Variants in STK39 observed in about 807,000 individuals in gnomAD.
The protein encoded by STK39 is serine/threonine kinase 39, also known as STE20/SPS1-related proline-alanine-rich protein kinase.
In STK39, 20 loss-of-function variants were observed where a neutral mutation model predicts 77.8. The ratio of observed to expected loss-of-function variants is 0.26; its 90% CI spans 0.18 to 0.37. The LOEUF is 0.37. Among genes scored for constraint, STK39 ranks in the 10% least tolerant of loss-of-function variants. The pLI, the probability that STK39 is intolerant of heterozygous loss-of-function variation, is 1.00. For missense variants in STK39, 479 were observed against 656.5 expected (o/e 0.73, Z 2.95); for synonymous variants, 246 against 234.1 (o/e 1.05, Z -0.47).
chr2:168,237,594 CTCT>C (rs1690653375), intron 1 of STK39, among the ~76,000 whole-genome samples: 2 of 152,042 alleles, frequency 1.3e-5, no homozygotes, highest in East Asian at 1.9e-4. Flanking sequence ...TCATAGATAG[CTCT>C]TATTATTTTG....
At chr2:168,067,203 CA>C (rs766088423) in intron 12 of STK39, among the ~76,000 whole-genome samples, 8 of 152,076 alleles carry the variant, frequency 5.3e-5, no homozygotes, top group Non-Finnish European at 8.8e-5. Flanking sequence ...GCCTGAGTGA[CA>C]AAGTGAGACT....
chr2:168,108,689 G>C (rs1687044829), intron 10 of STK39, among the ~76,000 whole-genome samples: 1 of 152,124 alleles, frequency 6.6e-6, no homozygotes, highest in South Asian at 2.1e-4. Context: ...TCATAGGTAA[G>C]AAATCTGTAC....
chr2:168,063,653 A>G, intron 13 of STK39, 83 bp from the exon 14 acceptor site: 1 of 1,305,128 alleles, frequency 7.7e-7, no homozygotes, highest in Non-Finnish European at 1.1e-6. Context: ...TGATTCATAT[A>G]GCCATTTCTT....
At chr2:168,120,147 T>G (rs1687367605) in intron 10 of STK39, among the ~76,000 whole-genome samples, 1 of 152,248 alleles carries the variant, frequency 6.6e-6, no homozygotes, top group East Asian at 1.9e-4. Flanking sequence ...TTTTTAAAAA[T>G]CATTCTTAAT....
Position 167,981,800 on chromosome 2 carries a change from C to A in STK39, c.1499-17074G>T, listed in dbSNP as rs568334631. Reference sequence around the variant, plus strand: ...TAAATCTGAAAGATCATCCCAATAACCTTCTCCTTCCTCTACCCCTCCCAC... The same window carrying A: ...TAAATCTGAAAGATCATCCCAATAAACTTCTCCTTCCTCTACCCCTCCCAC... On this transcript the variant is annotated intron_variant, in intron 16 of 17. Coordinates refer to ENST00000355999, the MANE Select transcript of STK39 (RefSeq NM_013233.3). Among the ~76,000 whole-genome samples the A allele has an allele frequency of 3.3e-5, 5 of 152,314 alleles. No individual in the cohort carries two copies. The South Asian group carries it at 1.0e-3, about 32-fold the overall frequency.
intron 16 of STK39, among the ~76,000 whole-genome samples, chr2:167,981,609 C>T (rs1034751103): frequency 7.2e-5 from 11 of 152,050 alleles, no homozygotes; most frequent in East Asian, 1.9e-4. Flanking sequence ...TCTCTTGTCC[C>T]GGTGTTGTGT....
At chr2:167,996,473 G>A (rs1208879654) in intron 16 of STK39, among the ~76,000 whole-genome samples, 1 of 152,192 alleles carries the variant, frequency 6.6e-6, no homozygotes, top group Non-Finnish European at 1.5e-5. Context: ...CAGCCATGGG[G>A]CTATGAAGGA....
At chr2:168,103,433 A>G (rs1686888320) in intron 10 of STK39, among the ~76,000 whole-genome samples, 1 of 152,196 alleles carries the variant, frequency 6.6e-6, no homozygotes, top group East Asian at 1.9e-4. Flanking sequence ...TAGACTGTGT[A>G]TTTTCCTAAG....
At chr2:168,245,027 C>A (rs1442881587) in intron 1 of STK39, among the ~76,000 whole-genome samples, 2 of 152,168 alleles carry the variant, frequency 1.3e-5, no homozygotes, top group African/African-American at 2.4e-5. Context: ...TGTATTTTAA[C>A]CCTAATAATT....
intron 1 of STK39, among the ~76,000 whole-genome samples, chr2:168,204,354 C>A (rs1689688026): frequency 6.6e-6 from 1 of 152,226 alleles, no homozygotes. Flanking sequence ...ACTCCCCATC[C>A]TCCACCAACC....
chr2:168,167,485 T>C (rs1688719654), intron 2 of STK39, 78 bp from the exon 3 acceptor site: 10 of 1,301,590 alleles, frequency 7.7e-6, no homozygotes, highest in Admixed American at 3.6e-5. Context: ...CACAGTTGAG[T>C]ACCTGGGTAA....
intron 5 of STK39, among the ~76,000 whole-genome samples, chr2:168,159,481 C>T (rs1559125836): frequency 6.6e-6 from 1 of 152,152 alleles, no homozygotes; most frequent in Non-Finnish European, 1.5e-5. Flanking sequence ...AAGTCAATCT[C>T]CTATAAAATG....
At chr2:168,045,913 C>T (rs948034379) in intron 14 of STK39, among the ~76,000 whole-genome samples, 5 of 152,114 alleles carry the variant, frequency 3.3e-5, no homozygotes, top group African/African-American at 1.2e-4. Context: ...CTGAGGCTCC[C>T]CACTACCAAT....
intron 10 of STK39, among the ~76,000 whole-genome samples, chr2:168,104,041 G>C (rs1194306025): frequency 1.3e-5 from 2 of 152,152 alleles, no homozygotes; most frequent in Admixed American, 1.3e-4. Flanking sequence ...AGCCGACATG[G>C]GGAAAGGTCT....
intron 16 of STK39, among the ~76,000 whole-genome samples, chr2:167,974,480 T>TA (rs1236739032): frequency 6.6e-6 from 1 of 152,112 alleles, no homozygotes; most frequent in East Asian, 1.9e-4. Context: ...GTCAAAAATT[T>TA]AAAAAAAGTT....
At chr2:168,024,198 G>C (rs753917033) in intron 14 of STK39, among the ~76,000 whole-genome samples, 34 of 152,178 alleles carry the variant, frequency 2.2e-4, no homozygotes, top group Non-Finnish European at 4.3e-4. Context: ...CAGTGAGCTG[G>C]GCAGATACTT....
At chr2:167,980,750 GT>G (rs1372736285) in intron 16 of STK39, among the ~76,000 whole-genome samples, 6 of 104,542 alleles carry the variant, frequency 5.7e-5, no homozygotes, top group Non-Finnish European at 1.2e-4. Flanking sequence ...ATTTCTTGTT[GT>G]TGTTTTTTTT....
intron 1 of STK39, among the ~76,000 whole-genome samples, chr2:168,198,773 G>T (rs1339807135): frequency 6.6e-6 from 1 of 152,208 alleles, no homozygotes; most frequent in Non-Finnish European, 1.5e-5. Context: ...AGAGTTCACA[G>T]ATGAAACACT....
At chr2:168,157,674 G>C (rs1216276928) in intron 5 of STK39, among the ~76,000 whole-genome samples, 1 of 152,004 alleles carries the variant, frequency 6.6e-6, no homozygotes, top group Non-Finnish European at 1.5e-5. Flanking sequence ...GAGGGTTTAG[G>C]CCTCATGATC....
Sources: gnomAD v4.1 joint callset for allele counts (sites outside exome capture counted in the v4.1 genomes callset) on GRCh38, gnomAD v4.1.1 for gene constraint, MANE v1.5 for transcripts, NCBI Gene and HGNC (gene_info 2026-07-23, HGNC 2026-07-21) for gene names.